The following CEP76 variants were observed in gnomAD, a reference collection of about 807,000 sequenced individuals.
CEP76 encodes centrosomal protein of 76 kDa.
In CEP76, 55 loss-of-function variants were observed where a neutral mutation model predicts 83.3. The observed-to-expected ratio is 0.66, with a 90% CI of 0.53 to 0.83. The LOEUF is 0.83. Among genes scored for constraint, CEP76 ranks in the 40% least tolerant of loss-of-function variants. The pLI, the probability that CEP76 is intolerant of heterozygous loss-of-function variation, is 0.00. For synonymous variants in CEP76, 270 were observed against 274.5 expected (o/e 0.98, Z 0.16); for missense variants, 694 against 799.5 (o/e 0.87, Z 1.59).
downstream of CEP76, among the ~76,000 whole-genome samples, chr18:12,672,469 A>T (rs2038973098): frequency 6.6e-6 from 1 of 152,142 alleles, no homozygotes; most frequent in Non-Finnish European, 1.5e-5. Context: ...GTATGGAATC[A>T]CTCACATATG....
At chr18:12,678,590 T>TAATACAGAGTAATCAAATTG in intron 9 of CEP76, 148 bp from the exon 10 acceptor site, 2 of 588,740 alleles carry the variant, frequency 3.4e-6, no homozygotes, top group Non-Finnish European at 5.8e-6. Context: ...TTTCCACAAT[T>TAATACAGAGTAATCAAATTG]TGATTACTCT....
At chr18:12,686,161 A>G in intron 8 of CEP76, 101 bp downstream of exon 8, 1 of 895,200 alleles carries the variant, frequency 1.1e-6, no homozygotes, top group Middle Eastern at 2.6e-4. Context: ...CAGAGGGTTG[A>G]CTATATGTGC....
chr18:12,697,196 T>A (rs1460438574), intron 5 of CEP76, 27 bp downstream of exon 5: 1 of 1,478,158 alleles, frequency 6.8e-7, no homozygotes, highest in African/African-American at 1.4e-5. Flanking sequence ...TATAAAAAGG[T>A]TAACAATGAT....
chr18:12,699,543 A>G (rs2040079715), intron 3 of CEP76, among the ~76,000 whole-genome samples: 1 of 152,192 alleles, frequency 6.6e-6, no homozygotes, highest in Non-Finnish European at 1.5e-5. Context: ...CAATTCAGCA[A>G]GTGTATTTGT....
intron 12 of CEP76, among the ~76,000 whole-genome samples, chr18:12,665,673 G>A (rs139101765): frequency 5.9e-5 from 9 of 152,234 alleles, no homozygotes; most frequent in African/African-American, 2.2e-4. Flanking sequence ...ATAAGAGAAT[G>A]TTTTAAACAA....
chr18:12,686,239 A>G, intron 8 of CEP76, 23 bp downstream of exon 8: 1 of 1,579,606 alleles, frequency 6.3e-7, no homozygotes, highest in African/African-American at 1.4e-5. Context: ...CTGCTACTTA[A>G]TTCTATTATG....
chr18:12,696,980 T>C (rs2039978989), intron 5 of CEP76, among the ~76,000 whole-genome samples: 1 of 152,164 alleles, frequency 6.6e-6, no homozygotes, highest in African/African-American at 2.4e-5. Context: ...AATTCCTGTA[T>C]TCATTTTCCA....
At chr18:12,664,310 G>A (rs1428198540) in intron 12 of CEP76, among the ~76,000 whole-genome samples, 4 of 152,180 alleles carry the variant, frequency 2.6e-5, no homozygotes, top group Admixed American at 2.0e-4. Flanking sequence ...TTGAGAGGCC[G>A]AGAAGGGTGG....
chr18:12,663,631 G>A (rs1365494358), intron 12 of CEP76, among the ~76,000 whole-genome samples: 1 of 152,166 alleles, frequency 6.6e-6, no homozygotes, highest in Non-Finnish European at 1.5e-5. Context: ...GCTTAAAAAT[G>A]GAGAATTATC....
intron 8 of CEP76, among the ~76,000 whole-genome samples, chr18:12,681,105 A>G (rs1217939987): frequency 2.0e-5 from 3 of 151,568 alleles, no homozygotes; most frequent in Admixed American, 6.6e-5. Context: ...AGGCGAGGCA[A>G]GAGAATCACG....
downstream of CEP76, among the ~76,000 whole-genome samples, chr18:12,668,101 C>T (rs1044571065): frequency 6.6e-5 from 10 of 151,508 alleles, no homozygotes; most frequent in Non-Finnish European, 1.3e-4. Flanking sequence ...CCTGTCCCTA[C>T]GAAAAATACA....
At position 12,695,342 on chromosome 18, in the gene CEP76, G is replaced by C. The variant is rs1248866127; in HGVS notation, c.716C>G (p.Ser239Ter). The change falls in exon 6 of 12, where the codon TCA (serine) becomes TGA (stop). Residue 239 changes from serine to a stop codon, truncating the protein, a stop_gained. Coordinates refer to ENST00000262127, the MANE Select transcript of CEP76 (RefSeq NM_024899.4). LOFTEE classifies it high-confidence loss of function. ...ATTTAAAATTCCCACAGAAACTTTT[G>C]ATTCTGTGCCTATAAACATAAATAT... Reference protein sequence around the residue: ...TVELMGVGTESKVSVGILNIK... With the variant: ...TVELMGVGTE 6.7e-7 allele frequency: 1 copy of C among 1,488,622 alleles called. No individual in the cohort carries two copies. The highest frequency in any genetic ancestry group is 1.4e-5 in the African/African-American group (1 of 71,762). The allele number at this position is 1,488,622 out of a possible 1,614,324, so 92.2% of individuals were successfully genotyped here. A position where few individuals can be genotyped will look rare whatever the true frequency, so the allele number is the denominator to read the frequency against.
At chr18:12,699,750 T>A (rs181295148) in intron 3 of CEP76, 80 bp downstream of exon 3, 1 of 769,840 alleles carries the variant, frequency 1.3e-6, no homozygotes, top group Non-Finnish European at 2.0e-6. Context: ...AATGGAAATG[T>A]CTTCTATCAA....
rs114355824 is a variant in CEP76, at chr18:12,701,444, T to G, written c.64-331A>C. ...TATTACTTTCATACTTTGATCTGCCTAATGATAAGGGAATCTTACCAGCTT... is the reference window on the plus strand; with the variant it reads ...TATTACTTTCATACTTTGATCTGCCGAATGATAAGGGAATCTTACCAGCTT... On this transcript the variant is annotated intron_variant, in intron 1 of 11. Coordinates refer to ENST00000262127, the MANE Select transcript of CEP76 (RefSeq NM_024899.4). Among the ~76,000 whole-genome samples, 1,345 of 152,292 alleles carry G rather than the reference T, an allele frequency of 8.8e-3. 28 individuals are homozygous for G. Among genetic ancestry groups the G allele is most frequent in the African/African-American group, 0.03 (1,238 of 41,566 alleles).
At chr18:12,663,033 T>C (rs1598601418) in intron 12 of CEP76, among the ~76,000 whole-genome samples, 1 of 152,192 alleles carries the variant, frequency 6.6e-6, no homozygotes, top group East Asian at 1.9e-4. Context: ...AAAGACCTCA[T>C]AAATATGAAT....
At chr18:12,675,211 A>G (rs1298487974) in intron 10 of CEP76, among the ~76,000 whole-genome samples, 1 of 152,146 alleles carries the variant, frequency 6.6e-6, no homozygotes, top group Non-Finnish European at 1.5e-5. Flanking sequence ...CCTGGCTAAC[A>G]AGGTGAAACC....
Position 12,691,452 on chromosome 18 carries a change from CTCTT to C in CEP76, c.836_839del (p.Lys279SerfsTer37), listed in dbSNP as rs1452462499. ...GCTTAGCATATACAAGAAATAATCG[CTCTT>C]TCTCTGCAGTTTTCTGACGTTCCAA... On this transcript the variant is annotated frameshift_variant, in exon 7 of 12. Transcript: ENST00000262127. LOFTEE classifies it high-confidence loss of function. The C allele has an allele frequency of 6.2e-7, 1 of 1,605,120 alleles. No homozygotes were observed. Among genetic ancestry groups the C allele is most frequent in the South Asian group, 1.1e-5 (1 of 88,614 alleles).
chr18:12,695,920 G>A (rs1482327095), intron 5 of CEP76, among the ~76,000 whole-genome samples: 1 of 151,146 alleles, frequency 6.6e-6, no homozygotes, highest in South Asian at 2.1e-4. Flanking sequence ...GTCACTTATA[G>A]TAACTCCCAT....
intron 12 of CEP76, among the ~76,000 whole-genome samples, chr18:12,666,796 A>C (rs1273388391): frequency 6.6e-6 from 1 of 152,108 alleles, no homozygotes; most frequent in Non-Finnish European, 1.5e-5. Flanking sequence ...CATTTAGAAC[A>C]ACCTCTACTT....
Sources: allele counts gnomAD v4.1 joint callset (sites outside exome capture counted in the v4.1 genomes callset), GRCh38; gene constraint gnomAD v4.1.1; transcripts MANE v1.5; gene names NCBI Gene and HGNC (gene_info 2026-07-23, HGNC 2026-07-21).